Variants in NSL1 observed in about 807,000 individuals in gnomAD.
NSL1 encodes NSL1 component of MIS12 kinetochore complex.
A neutral mutation model predicts 25.4 loss-of-function variants in NSL1; 11 were observed. The ratio of observed to expected loss-of-function variants is 0.43; its 90% CI spans 0.27 to 0.72. The LOEUF (loss-of-function observed/expected upper bound fraction) is 0.72. Ranked by LOEUF, NSL1 falls within the 30% of genes least tolerant of loss-of-function variation. The pLI is 0.19. For synonymous variants in NSL1, 118 were observed against 120.6 expected, an observed-to-expected ratio of 0.98 and a Z score of 0.14; for missense variants, 330 against 342.7, an observed-to-expected ratio of 0.96 and a Z score of 0.29.
intron 4 of NSL1, among the ~76,000 whole-genome samples, chr1:212,762,323 A>AG (rs1428551382): frequency 1.3e-5 from 2 of 151,632 alleles, no homozygotes; most frequent in African/African-American, 4.8e-5. Flanking sequence ...AAAAAAAAAA[A>AG]AAAGAAAAGA....
Position 212,728,238 on chromosome 1 carries a change from T to G in NSL1, c.*10170A>C, listed in dbSNP as rs978777044. 4 of 954,042 alleles carry G rather than the reference T, an allele frequency of 4.2e-6. No homozygotes were observed. Among genetic ancestry groups the G allele is most frequent in the Non-Finnish European group, 5.0e-6 (4 of 801,446 alleles). The allele number at this position is 954,042 out of a possible 1,614,324, so 59.1% of individuals were successfully genotyped here. A position where few individuals can be genotyped will look rare whatever the true frequency, so the allele number is the denominator to read the frequency against. On this transcript the variant is annotated 3_prime_UTR_variant, in exon 6 of 6. Transcript: ENST00000366977. ...GTAACTACTAGCATTATATTGATAT[T>G]ACCTTCAGCAAATAAGTTGATAACA...
intron 4 of NSL1, among the ~76,000 whole-genome samples, chr1:212,762,733 C>A (rs1449910470): frequency 1.3e-5 from 2 of 152,182 alleles, no homozygotes; most frequent in Non-Finnish European, 2.9e-5. Flanking sequence ...CTACCGAGAG[C>A]TGGAATGGAT....
rs1313002561 is a variant in NSL1 at position 212,729,791 on chromosome 1, C to A, written c.*8617G>T. 1.9e-5 allele frequency: 19 copies of A among 985,274 alleles called. No individual in the cohort carries two copies. The highest frequency in any genetic ancestry group is 2.3e-5 in the Non-Finnish European group (19 of 829,932). 61.0% of individuals were successfully genotyped at this position (985,274 alleles called of 1,614,324 possible). ...TCGGCTATAAAACGGCTCAAAAGAACAGCTAGAACATGGAAAAAGCAATGT... is the reference window on the plus strand; with the variant it reads ...TCGGCTATAAAACGGCTCAAAAGAAAAGCTAGAACATGGAAAAAGCAATGT... On this transcript the variant is annotated 3_prime_UTR_variant, in exon 6 of 6. Transcript: ENST00000366977.
At chr1:212,749,462 C>A (rs1029910455) in intron 4 of NSL1, among the ~76,000 whole-genome samples, 4 of 151,186 alleles carry the variant, frequency 2.6e-5, no homozygotes, top group Non-Finnish European at 4.4e-5. Flanking sequence ...CACTCTGTCA[C>A]CCAGGCCGGA....
At chr1:212,777,299 C>A (rs1433416619) in intron 4 of NSL1, among the ~76,000 whole-genome samples, 1 of 151,944 alleles carries the variant, frequency 6.6e-6, no homozygotes, top group Admixed American at 6.6e-5. Context: ...ATCACTTGAG[C>A]CCAAGAGATT....
chr1:212,758,789 T>G (rs561129319), intron 4 of NSL1, among the ~76,000 whole-genome samples: 15 of 152,148 alleles, frequency 9.9e-5, no homozygotes, highest in Non-Finnish European at 1.9e-4. Context: ...ATCCCAAAAT[T>G]CATATGGAAT....
intron 2 of NSL1, among the ~76,000 whole-genome samples, chr1:212,786,233 T>C (rs1179114253): frequency 2.0e-5 from 3 of 152,172 alleles, no homozygotes; most frequent in Non-Finnish European, 4.4e-5. Flanking sequence ...TCTGAGATTT[T>C]AGTGCACTCA....
chr1:212,787,025 G>A (rs961001316), intron 2 of NSL1, among the ~76,000 whole-genome samples: 1 of 151,458 alleles, frequency 6.6e-6, no homozygotes, highest in Non-Finnish European at 1.5e-5. Context: ...AGCCAGGCGT[G>A]GTGGCCACAT....
intron 4 of NSL1, among the ~76,000 whole-genome samples, chr1:212,758,590 T>C (rs1438296797): frequency 1.3e-5 from 2 of 152,202 alleles, no homozygotes; most frequent in Non-Finnish European, 2.9e-5. Context: ...TAGGAATAAG[T>C]TTCACAAAAG....
intron 4 of NSL1, 199 bp downstream of exon 4, chr1:212,782,173 C>A: frequency 1.4e-6 from 1 of 707,448 alleles, no homozygotes; most frequent in Non-Finnish European, 2.6e-6. Context: ...TCCGGGGTAA[C>A]ACCCCTGGAA....
rs374752594 is a variant in NSL1, at chr1:212,733,917, G to C, written c.*4491C>G. On this transcript the variant is annotated 3_prime_UTR_variant, in exon 6 of 6. Transcript: ENST00000366977. ...GCATGCTATCTCTGGAATGGGTATCGATTAGACTTTGAACTTTATGAACTT... is the reference window on the plus strand; with the variant it reads ...GCATGCTATCTCTGGAATGGGTATCCATTAGACTTTGAACTTTATGAACTT... 2.0e-5 allele frequency among the ~76,000 whole-genome samples: 3 copies of C among 152,130 alleles called. No homozygotes were observed. The highest frequency in any genetic ancestry group is 4.4e-5 in the Non-Finnish European group (3 of 68,024).
Position 212,760,571 on chromosome 1 carries a change from C to T in NSL1, c.500-20970G>A, listed in dbSNP as rs934042227. 1.3e-5 allele frequency among the ~76,000 whole-genome samples: 2 copies of T among 152,166 alleles called. No homozygotes were observed. The highest frequency in any genetic ancestry group is 4.2e-4 in the South Asian group (2 of 4,812). On this transcript the variant is annotated intron_variant, in intron 4 of 5. Coordinates refer to ENST00000366977, the MANE Select transcript of NSL1 (RefSeq NM_015471.4). This position sits in a 1 kb window ranked among gnomAD's most constrained non-coding sequence, Gnocchi z 4.3. ...ATCACCACCACCATCACCGCCAGGA[C>T]CCCCCTAAATGTGCTCTGGGGGGAC...
chr1:212,728,554 C>T lies in NSL1; in HGVS notation c.*9854G>A, dbSNP rs1657880137. 1 of 985,254 alleles carries T rather than the reference C, an allele frequency of 1.0e-6. No individual in the cohort carries two copies. The highest frequency in any genetic ancestry group is 1.2e-6 in the Non-Finnish European group (1 of 829,928). The allele number at this position is 985,254 out of a possible 1,614,324, so 61.0% of individuals were successfully genotyped here. Reference sequence around the variant, plus strand: ...GTTTGTTCAAACAATTTTTTCAAATCAGATTTACAGAGGGATAGAAATGAG... The same window carrying T: ...GTTTGTTCAAACAATTTTTTCAAATTAGATTTACAGAGGGATAGAAATGAG... On this transcript the variant is annotated 3_prime_UTR_variant, in exon 6 of 6. Coordinates refer to ENST00000366977, the MANE Select transcript of NSL1 (RefSeq NM_015471.4).
Position 212,733,203 on chromosome 1 carries a change from A to C in NSL1, c.*5205T>G, listed in dbSNP as rs111648858. Among the ~76,000 whole-genome samples, 3,462 of 152,190 alleles carry C rather than the reference A, an allele frequency of 0.023. 62 individuals carry two copies. Among genetic ancestry groups the C allele is most frequent in the South Asian group, 0.041 (200 of 4,822 alleles). Reference sequence around the variant, plus strand: ...CCTGTAATCCAGCACTTTGGGAGGCAGAGGTGGGCGGATCGCTTGAGCTCA... The same window carrying C: ...CCTGTAATCCAGCACTTTGGGAGGCCGAGGTGGGCGGATCGCTTGAGCTCA... On this transcript the variant is annotated 3_prime_UTR_variant, in exon 6 of 6. Transcript: ENST00000366977.
intron 3 of NSL1, among the ~76,000 whole-genome samples, chr1:212,783,543 A>G (rs1370889644): frequency 6.6e-6 from 1 of 152,226 alleles, no homozygotes; most frequent in Non-Finnish European, 1.5e-5. Context: ...TGAGGCAACT[A>G]GAAGATTTAT....
intron 4 of NSL1, 182 bp downstream of exon 4, chr1:212,782,189 AG>A (rs1660760991): frequency 5.7e-6 from 4 of 699,468 alleles, no homozygotes; most frequent in African/African-American, 1.8e-5. Flanking sequence ...TGGAATTCTG[AG>A]TCAATGGGTG....
chr1:212,766,631 G>A (rs1659836100), intron 4 of NSL1, among the ~76,000 whole-genome samples: 2 of 148,012 alleles, frequency 1.4e-5, no homozygotes, highest in Middle Eastern at 3.6e-3. Flanking sequence ...GGGTGACAGA[G>A]CGAGACTCCA....
At chr1:212,753,390 C>T (rs1659157461) in intron 4 of NSL1, among the ~76,000 whole-genome samples, 1 of 152,204 alleles carries the variant, frequency 6.6e-6, no homozygotes, top group African/African-American at 2.4e-5. Context: ...GAACTTTATT[C>T]TAGCTCTTCC....
chr1:212,753,495 C>T (rs76288249), intron 4 of NSL1, among the ~76,000 whole-genome samples: 2,263 of 152,264 alleles, frequency 0.015, 59 homozygotes, highest in African/African-American at 0.052. Flanking sequence ...AAACACACCA[C>T]CCTAAAGCAC....
Sources: gnomAD v4.1 joint callset for allele counts (sites outside exome capture counted in the v4.1 genomes callset) on GRCh38, gnomAD v4.1.1 for gene constraint, Gnocchi (gnomAD v3.1) non-coding constraint, MANE v1.5 for transcripts, NCBI Gene and HGNC (gene_info 2026-07-23, HGNC 2026-07-21) for gene names.